Variants in STOML3 observed in about 807,000 individuals in gnomAD.
STOML3 encodes stomatin like 3.
Under a neutral mutation model 29.5 loss-of-function variants are expected in STOML3, and 31 were observed. That is an observed-to-expected ratio of 1.05 (90% CI 0.79 to 1.42). STOML3 has a LOEUF of 1.42. Ranked by LOEUF, STOML3 falls within the 40% of genes most tolerant of loss-of-function variation. The pLI is 0.00. For missense variants in STOML3, 380 were observed against 363.0 expected, an observed-to-expected ratio of 1.05 and a Z score of -0.38; for synonymous variants, 122 against 139.8, an observed-to-expected ratio of 0.87 and a Z score of 0.90.
chr13:38,980,024 T>C, intron 1 of STOML3: 1 of 1,549,942 alleles, frequency 6.5e-7, no homozygotes, highest in Non-Finnish European at 8.7e-7. Flanking sequence ...CACAAGCAAG[T>C]GTTTGTCACA....
chr13:38,972,407 A>G lies in STOML3; in HGVS notation c.312+105T>C, dbSNP rs539374246. ...GCAGGTCTCTGCGGGTACTCAGCTC[A>G]TCTTCCCTCCTATAGTTTAAAAGTG... On this transcript the variant is annotated intron_variant, in intron 4 of 6. Coordinates refer to ENST00000379631, the MANE Select transcript of STOML3 (RefSeq NM_145286.3). 6 of 1,127,104 alleles carry G rather than the reference A, an allele frequency of 5.3e-6. No homozygotes were observed. The South Asian group carries it at 8.9e-5, about 17-fold the overall frequency. The allele number at this position is 1,127,104 out of a possible 1,614,324, so 69.8% of individuals were successfully genotyped here. A position where few individuals can be genotyped will look rare whatever the true frequency, so the allele number is the denominator to read the frequency against.
At chr13:38,988,299 A>ATATATTTTATATATAATATAT (rs1373262156) in intron 1 of STOML3, among the ~76,000 whole-genome samples, 5 of 77,676 alleles carry the variant, frequency 6.4e-5, no homozygotes, top group Non-Finnish European at 1.0e-4. Context: ...ATTTTATATC[A>ATATATTTTATATATAATATAT]TATATTTTAT....
At chr13:38,987,540 T>C (rs796697140) in intron 1 of STOML3, among the ~76,000 whole-genome samples, 2 of 150,800 alleles carry the variant, frequency 1.3e-5, no homozygotes, top group South Asian at 4.2e-4. Context: ...CCACATAATG[T>C]TCCTGCTGGA....
intron 1 of STOML3, among the ~76,000 whole-genome samples, chr13:38,990,439 ACAC>A (rs1868954807): frequency 6.6e-6 from 1 of 152,170 alleles, no homozygotes; most frequent in Non-Finnish European, 1.5e-5. Context: ...TCAAAGATAA[ACAC>A]CAACTTTATC....
intron 1 of STOML3, among the ~76,000 whole-genome samples, chr13:38,986,050 T>G (rs1327667551): frequency 6.7e-6 from 1 of 148,670 alleles, no homozygotes; most frequent in Non-Finnish European, 1.5e-5. Context: ...TTTTTTTTTT[T>G]TTTTTGGTTT....
At position 38,978,322 on chromosome 13, in the gene STOML3, T is replaced by G. The variant is rs1045625541; in HGVS notation, c.53-1525A>C. On this transcript the variant is annotated intron_variant, in intron 1 of 6. Coordinates refer to ENST00000379631, the MANE Select transcript of STOML3 (RefSeq NM_145286.3). ...GCACCTGCCACCACGCCTGGCTAAT[T>G]TTTGTATTTTTAGTAGAGACGGGGT... is the stretch of plus-strand genomic sequence containing the variant. Among the ~76,000 whole-genome samples, 4 of 152,080 alleles carry G rather than the reference T, an allele frequency of 2.6e-5. No homozygotes were observed. In the East Asian group the frequency reaches 5.8e-4, roughly 22 times the overall value.
At chr13:38,982,186 A>G (rs1385916117) in intron 1 of STOML3, among the ~76,000 whole-genome samples, 2 of 152,026 alleles carry the variant, frequency 1.3e-5, no homozygotes, top group Non-Finnish European at 1.5e-5. Flanking sequence ...TAAATTTTAG[A>G]CGGGCTTCTT....
rs1272998840 is a variant in STOML3 at position 38,988,320 on chromosome 13, T to A, written c.52+2350A>T. On this transcript the variant is annotated intron_variant, in intron 1 of 6. Coordinates refer to ENST00000379631, the MANE Select transcript of STOML3 (RefSeq NM_145286.3). ...TATCATATATTTTATATATAATATATTATATTTTATATATAATATATTATA... is the reference window on the plus strand; with the variant it reads ...TATCATATATTTTATATATAATATAATATATTTTATATATAATATATTATA... 9.8e-3 allele frequency among the ~76,000 whole-genome samples: 568 copies of A among 57,988 alleles called. 63 individuals carry two copies. The highest frequency in any genetic ancestry group is 0.013 in the Non-Finnish European group (475 of 36,966). The allele number at this position is 57,988 out of a possible 152,430, so 38.0% of individuals were successfully genotyped here.
chr13:38,975,691 A>T (rs1005388511), intron 3 of STOML3, among the ~76,000 whole-genome samples: 2 of 152,200 alleles, frequency 1.3e-5, no homozygotes. Context: ...CAAATTTAGC[A>T]ATTTCCTATG....
Position 38,976,604 on chromosome 13 carries a change from C to T in STOML3, c.165G>A (p.Lys55=), listed in dbSNP as rs1881085449. 6.2e-7 allele frequency: 1 copy of T among 1,614,184 alleles called. No homozygotes were observed. The highest frequency in any genetic ancestry group is 8.5e-7 in the Non-Finnish European group (1 of 1,180,030). ...ISIWMCLKII[K]EYERAVVFRL... ...GGAATACAACAGCACGTTCATACTC[C>T]TTAATGATCTAGGAGATTAAGGGCG... The change falls in exon 3 of 7, where the codon AAG becomes AAA. Residue 55 remains lysine, a synonymous_variant. Transcript: ENST00000379631.
chr13:38,967,503 A>T (rs1463968675), intron 6 of STOML3, among the ~76,000 whole-genome samples: 1 of 152,144 alleles, frequency 6.6e-6, no homozygotes, highest in Non-Finnish European at 1.5e-5. Context: ...CAAACCGAGA[A>T]TTGTTTCTAG....
intron 3 of STOML3, among the ~76,000 whole-genome samples, chr13:38,973,521 T>C (rs1880968181): frequency 1.3e-5 from 2 of 152,298 alleles, no homozygotes; most frequent in African/African-American, 4.8e-5. Context: ...GGGAGGGACA[T>C]GACAGCTCCC....
chr13:38,990,548 T>A lies in STOML3; in HGVS notation c.52+122A>T, dbSNP rs752501937. 4 of 897,402 alleles carry A rather than the reference T, an allele frequency of 4.5e-6. No individual in the cohort carries two copies. The African/African-American group carries it at 6.7e-5, about 15-fold the overall frequency. 55.6% of individuals were successfully genotyped at this position (897,402 alleles called of 1,614,324 possible). On this transcript the variant is annotated intron_variant, in intron 1 of 6. Coordinates refer to ENST00000379631, the MANE Select transcript of STOML3 (RefSeq NM_145286.3). ...TGAATTCAAAATCCTGGGCTATAAA[T>A]GAAATTGAGGCCGATTTCTGCAAAT...
chr13:38,978,795 A>AT (rs1326703249), intron 1 of STOML3, among the ~76,000 whole-genome samples: 1 of 152,158 alleles, frequency 6.6e-6, no homozygotes, highest in Non-Finnish European at 1.5e-5. Context: ...ATTCATGAAT[A>AT]TTTAGGAGAA....
chr13:38,976,536 A>G lies in STOML3; in HGVS notation c.229+4T>C, dbSNP rs369836223. ...TTCAGGGGCAGCCACCGCGTCATTC[A>G]TACCTGGCCCCTTGGCTTTGTCAGC... On this transcript the variant is annotated splice_donor_region_variant and intron_variant, in intron 3 of 6. Transcript: ENST00000379631. The G allele has an allele frequency of 2.7e-4, 432 of 1,614,194 alleles. 1 individual carries two copies. Among genetic ancestry groups the G allele is most frequent in the Non-Finnish European group, 3.5e-4 (412 of 1,180,030 alleles).
At chr13:38,982,348 T>C (rs1017037875) in intron 1 of STOML3, among the ~76,000 whole-genome samples, 1 of 152,162 alleles carries the variant, frequency 6.6e-6, no homozygotes, top group African/African-American at 2.4e-5. Context: ...ATTGTTTCAT[T>C]AATGGGATAT....
At chr13:38,980,237 G>A in intron 1 of STOML3, 3 of 1,131,344 alleles carry the variant, frequency 2.7e-6, no homozygotes, top group Non-Finnish European at 3.8e-6. Context: ...GGTGGAGCCT[G>A]GGGGTCTCAT....
At chr13:38,973,280 C>CA (rs35160552) in intron 3 of STOML3, among the ~76,000 whole-genome samples, 82 of 144,890 alleles carry the variant, frequency 5.7e-4, no homozygotes, top group East Asian at 1.8e-3. Context: ...AAAACTCTGT[C>CA]AAAAAAAAAA....
chr13:38,970,541 A>G (rs1880826105), intron 4 of STOML3, among the ~76,000 whole-genome samples, 153 bp from the exon 5 acceptor site: 1 of 152,188 alleles, frequency 6.6e-6, no homozygotes, highest in Non-Finnish European at 1.5e-5. Flanking sequence ...CTTGGATAGA[A>G]TATCTTCCCA....
Sources: allele counts gnomAD v4.1 joint callset (sites outside exome capture counted in the v4.1 genomes callset), GRCh38; gene constraint gnomAD v4.1.1; transcripts MANE v1.5; gene names NCBI Gene and HGNC (gene_info 2026-07-23, HGNC 2026-07-21).